INPP5E: variants seen among roughly 807,000 people sequenced by gnomAD.
INPP5E encodes phosphatidylinositol polyphosphate 5-phosphatase type IV.
Under a neutral mutation model 50.5 loss-of-function variants are expected in INPP5E, and 34 were observed. The observed-to-expected ratio is 0.67, with a 90% CI of 0.51 to 0.90. The LOEUF is 0.90. INPP5E is among the 40% of genes least tolerant of loss of function. The pLI is 0.00. For missense variants in INPP5E, 942 were observed against 905.5 expected (o/e 1.04, Z -0.52); for synonymous variants, 447 against 406.0 (o/e 1.10, Z -1.21).
chr9:136,432,902 GGA>G, intron 5 of INPP5E, 52 bp downstream of exon 5: 1 of 1,597,832 alleles, frequency 6.3e-7, no homozygotes, highest in Non-Finnish European at 8.5e-7. Flanking sequence ...GTCCCGGTCA[GGA>G]GAGGAAGCTG....
At chr9:136,433,111 C>A (rs772854557) in intron 4 of INPP5E, 36 bp from the exon 5 acceptor site, 1 of 1,455,422 alleles carries the variant, frequency 6.9e-7, no homozygotes. Flanking sequence ...ACCTGTGGGA[C>A]GCTGCCACCT....
rs1431917892 is a variant in INPP5E at position 136,429,687 on chromosome 9, GC to G, written c.1922del (p.Cys641SerfsTer8). On this transcript the variant is annotated frameshift_variant, in exon 10 of 10. Coordinates refer to ENST00000371712, the MANE Select transcript of INPP5E (RefSeq NM_019892.6). LOFTEE classifies it high-confidence loss of function. ...ALQSQNSSTI[C>X]SVS ...CGTTCAGCAAACTTCAAGAAACGGA[GC>G]AGATGGTGCTGGAGTTCTGACTCTG... is the stretch of plus-strand genomic sequence containing the variant. 1 of 1,614,102 alleles carries G rather than the reference GC, an allele frequency of 6.2e-7. No homozygotes were observed. Among genetic ancestry groups the G allele is most frequent in the Admixed American group, 1.7e-5 (1 of 60,032 alleles).
intron 1 of INPP5E, chr9:136,435,920 G>A (rs73670265): frequency 2.5e-4 from 38 of 152,290 alleles, no homozygotes; most frequent in Admixed American, 1.6e-3. Context: ...TGTAAAACCC[G>A]TTCTCAGCTC....
At chr9:136,437,574 A>C (rs1050028265) in intron 1 of INPP5E, 2 of 152,164 alleles carry the variant, frequency 1.3e-5, no homozygotes, top group African/African-American at 4.8e-5. Context: ...GCGTGGCCAC[A>C]CCTTGATTTT....
chr9:136,434,644 C>A, intron 2 of INPP5E, 96 bp downstream of exon 2: 1 of 1,506,906 alleles, frequency 6.6e-7, no homozygotes, highest in Non-Finnish European at 9.0e-7. Context: ...CCCTCCTGGC[C>A]CCAGGATGAG....
chr9:136,434,272 T>C, intron 2 of INPP5E, 138 bp from the exon 3 acceptor site: 1 of 667,228 alleles, frequency 1.5e-6, no homozygotes, highest in East Asian at 2.7e-5. Context: ...AAAAGGGAGC[T>C]GCCCGGTCTC....
Position 136,432,562 on chromosome 9 carries a change from C to A in INPP5E, c.1304G>T (p.Arg435Leu). The change falls in exon 6 of 10, where the codon CGG (arginine) becomes CTG (leucine). Residue 435 changes from arginine (R) to leucine (L), a missense_variant. Physicochemically the swap from Arg to Leu is moderately radical, Grantham distance 102 (BLOSUM62 -2). Transcript: ENST00000371712. The stretch of plus-strand genomic sequence containing the variant: ...TACAGTCCTGGTGTAGTCCAGCAGC[C>A]GCTCCGCCACCTTCCCGTCACCTGC... ...FTSGDGKVAE[R>L]LLDYTRTVQA... 1 of 1,550,076 alleles carries A rather than the reference C, an allele frequency of 6.5e-7. No homozygotes were observed. The highest frequency in any genetic ancestry group is 1.2e-5 in the South Asian group (1 of 84,072).
chr9:136,428,661 G>A lies in INPP5E; in HGVS notation c.*1014C>T, dbSNP rs1342514208. ...TGCATTTATTTAAAAATATAAATAT[G>A]GAAAAATAATTTAAAAGACTAGATT... On this transcript the variant is annotated 3_prime_UTR_variant, in exon 10 of 10. Coordinates refer to ENST00000371712, the MANE Select transcript of INPP5E (RefSeq NM_019892.6). 6.6e-6 allele frequency: 1 copy of A among 152,274 alleles called. No individual in the cohort carries two copies. Among genetic ancestry groups the A allele is most frequent in the Non-Finnish European group, 1.5e-5 (1 of 68,024 alleles). 9.4% of individuals were successfully genotyped at this position (152,274 alleles called of 1,614,324 possible).
rs754727297 is a variant in INPP5E at position 136,431,989 on chromosome 9, C to T, written c.1388-4G>A. ...TCGAAGCGGGTGGTGACGTCCGCTG[C>T]GGCACAGTGGGCCATGTGTGGGCAC... On this transcript the variant is annotated splice_region_variant and splice_polypyrimidine_tract_variant and intron_variant, in intron 6 of 9. Transcript: ENST00000371712. 2.0e-5 allele frequency: 32 copies of T among 1,612,472 alleles called. No individual in the cohort carries two copies. Among genetic ancestry groups the T allele is most frequent in the East Asian group, 6.7e-5 (3 of 44,830 alleles).
At position 136,439,309 on chromosome 9, in the gene INPP5E, C is replaced by A; in HGVS notation, c.111G>T (p.Gly37=). Residue 37 remains glycine, a synonymous_variant, in exon 1 of 10, where the codon GGG becomes GGT. Coordinates refer to ENST00000371712, the MANE Select transcript of INPP5E (RefSeq NM_019892.6). ...CGGAGCCCGGAGCATCGGGTGGGGACCCCGCGCGCTGGGCCGGCGGAGCGC... is the reference window on the plus strand; with the variant it reads ...CGGAGCCCGGAGCATCGGGTGGGGAACCCGCGCGCTGGGCCGGCGGAGCGC... The part of the protein sequence containing the change: ...LPGAPPAQRA[G]SPPDAPGSES... 1 of 1,410,784 alleles carries A rather than the reference C, an allele frequency of 7.1e-7. No individual in the cohort carries two copies. The highest frequency in any genetic ancestry group is 9.2e-7 in the Non-Finnish European group (1 of 1,091,888). The allele number at this position is 1,410,784 out of a possible 1,614,324, so 87.4% of individuals were successfully genotyped here. A position where few individuals can be genotyped will look rare whatever the true frequency, so the allele number is the denominator to read the frequency against.
chr9:136,439,175 C>G lies in INPP5E; in HGVS notation c.245G>C (p.Arg82Pro). The change falls in exon 1 of 10, where the codon CGA becomes CCA. Residue 82 changes from arginine (R) to proline (P), a missense_variant. Transcript: ENST00000371712. ...GCCCTTGTCGTCCAGGGACAGGGCT[C>G]GCTCCAGTCGAGGCCTGGCGGGGGG... ...PRPPARPRLE[R>P]ALSLDDKGWR... The G allele has an allele frequency of 6.4e-7, 1 of 1,558,754 alleles. No homozygotes were observed. Among genetic ancestry groups the G allele is most frequent in the Middle Eastern group, 1.7e-4 (1 of 5,878 alleles).
chr9:136,437,058 C>G (rs955846065), intron 1 of INPP5E: 1 of 152,228 alleles, frequency 6.6e-6, no homozygotes, highest in Non-Finnish European at 1.5e-5. Flanking sequence ...TTACGAGAAG[C>G]CCTGCAGTGA....
At chr9:136,433,347 G>A in intron 3 of INPP5E, 68 bp from the exon 4 acceptor site, 6 of 1,514,742 alleles carry the variant, frequency 4.0e-6, no homozygotes, top group South Asian at 1.2e-5. Context: ...CAGACCTGCT[G>A]CCCAGAGCCC....
chr9:136,434,792 G>C lies in INPP5E; in HGVS notation c.884C>G (p.Pro295Arg). The C allele has an allele frequency of 6.2e-7, 1 of 1,611,716 alleles. No individual in the cohort carries two copies. The highest frequency in any genetic ancestry group is 8.5e-7 in the Non-Finnish European group (1 of 1,179,692). Reference protein sequence around the residue: ...LGADELARYFPDRNVALFVAT... With the variant: ...LGADELARYFRDRNVALFVAT... ...CACGAAGAGTGCCACGTTCCGGTCT[G>C]GGAAGTAGCGGGCCAGCTCATCCGC... The change falls in exon 2 of 10, where the codon CCA becomes CGA. Residue 295 changes from proline to arginine, a missense_variant. Transcript: ENST00000371712.
At position 136,438,712 on chromosome 9, in the gene INPP5E, G is replaced by A. The variant is rs755298134; in HGVS notation, c.708C>T (p.Pro236=). The A allele has an allele frequency of 6.2e-7, 1 of 1,606,480 alleles. No individual in the cohort carries two copies. The highest frequency in any genetic ancestry group is 1.1e-5 in the South Asian group (1 of 90,432). ...AGGCCAGGGGGCTCCGCGGCCGGCC[G>A]GGGCCCAGGCTGCTGTGGGCCCGCA... ...LLVRAHSSLG[P]GRPRSPLACD... The change falls in exon 1 of 10, where the codon CCC becomes CCT. Residue 236 remains proline, a synonymous_variant. Transcript: ENST00000371712.
Position 136,431,167 on chromosome 9 carries a change from G to A in INPP5E, c.1550-50C>T, listed in dbSNP as rs374017462. On this transcript the variant is annotated intron_variant, in intron 7 of 9. Transcript: ENST00000371712. ...TGGCTCAGACCAGCTTGTGCCAGCC[G>A]CCGCACCCCAGGCCCTCACCTCTCC... is the stretch of plus-strand genomic sequence containing the variant. 34 of 1,246,128 alleles carry A rather than the reference G, an allele frequency of 2.7e-5. No homozygotes were observed. The African/African-American group carries it at 3.2e-4, about 12-fold the overall frequency. The allele number at this position is 1,246,128 out of a possible 1,614,324, so 77.2% of individuals were successfully genotyped here. A position where few individuals can be genotyped will look rare whatever the true frequency, so the allele number is the denominator to read the frequency against.
At chr9:136,434,563 G>C (rs1041183871) in intron 2 of INPP5E, among the ~76,000 whole-genome samples, 177 bp downstream of exon 2, 3 of 152,150 alleles carry the variant, frequency 2.0e-5, no homozygotes, top group African/African-American at 7.2e-5. Context: ...GGAGCTCTGG[G>C]GGATGGGGGT....
Position 136,432,510 on chromosome 9 carries a change from C to T in INPP5E, c.1356G>A (p.Val452=), listed in dbSNP as rs761938075. ...TGGAGCGATAGGGGTTGGTGTCGGG[C>T]ACATTTCTGGGCAGGACCAGGGCTT... ...TVQALVLPRN[V]PDTNPYRSSA... Residue 452 remains valine (V), a synonymous_variant, in exon 6 of 10, where the codon GTG becomes GTA. Coordinates refer to ENST00000371712, the MANE Select transcript of INPP5E (RefSeq NM_019892.6). The T allele has an allele frequency of 4.5e-6, 7 of 1,551,446 alleles. No homozygotes were observed. The South Asian group carries it at 7.1e-5, about 16-fold the overall frequency.
At position 136,439,382 on chromosome 9, in the gene INPP5E, G is replaced by C; in HGVS notation, c.38C>G (p.Pro13Arg). Residue 13 changes from proline to arginine, a missense_variant, in exon 1 of 10, where the codon CCG becomes CGG. By Grantham distance (103) the Pro-to-Arg change is moderately radical (BLOSUM62 -2). Transcript: ENST00000371712. ...SKAENLRPSE[P>R]APQPPEGRTL... ...CCTCCCTTCCGGCGGCTGCGGGGCCGGCTCGGAGGGCCGCAGATTCTCCGC... is the reference window on the plus strand; with the variant it reads ...CCTCCCTTCCGGCGGCTGCGGGGCCCGCTCGGAGGGCCGCAGATTCTCCGC... 1 of 1,461,302 alleles carries C rather than the reference G, an allele frequency of 6.8e-7. No homozygotes were observed. The highest frequency in any genetic ancestry group is 9.0e-7 in the Non-Finnish European group (1 of 1,112,962). 90.5% of individuals were successfully genotyped at this position (1,461,302 alleles called of 1,614,324 possible). A position where few individuals can be genotyped will look rare whatever the true frequency, so the allele number is the denominator to read the frequency against.
Sources: gnomAD v4.1 joint callset for allele counts (sites outside exome capture counted in the v4.1 genomes callset) on GRCh38, gnomAD v4.1.1 for gene constraint, MANE v1.5 for transcripts, NCBI Gene and HGNC (gene_info 2026-07-23, HGNC 2026-07-21) for gene names.